L1CAM: variants seen among roughly 807,000 people sequenced by gnomAD.
L1CAM encodes the protein neural cell adhesion molecule L1.
A neutral mutation model predicts 93.0 loss-of-function variants in L1CAM; 8 were observed. The observed-to-expected ratio is 0.09, with a 90% CI of 0.05 to 0.16. The LOEUF is 0.16. L1CAM is among the 10% of genes least tolerant of loss of function. L1CAM has a pLI of 1.00. For missense variants in L1CAM, 777 were observed against 1,073.4 expected (o/e 0.72, Z 3.86); for synonymous variants, 453 against 453.0 (o/e 1.00, Z 0.00).
intron 19 of L1CAM, 83 bp downstream of exon 19, chrX:153,866,566 A>G: frequency 1.5e-6 from 1 of 685,255 alleles, no homozygotes; most frequent in Non-Finnish European, 2.3e-6. Context: ...AAAGGCGCAC[A>G]CCAATGCTGA....
chrX:153,871,260 T>TGGGGGGGGGGGGGGGGG, intron 5 of L1CAM, 81 bp from the exon 6 acceptor site: 1 of 232,157 alleles, frequency 4.3e-6, no homozygotes, highest in Non-Finnish European at 8.1e-6. Context: ...GGCAGGGGGG[T>TGGGGGGGGGGGGGGGGG]GGCGGGCTAC....
chrX:153,864,520 C>G (rs1557090082), intron 24 of L1CAM, 43 bp from the exon 25 acceptor site: 1 of 1,209,389 alleles, frequency 8.3e-7, no homozygotes, highest in East Asian at 3.0e-5. Flanking sequence ...GTCGGAGTGC[C>G]AGGCAACCCC....
At chrX:153,881,654 C>T (rs921243412) in intron 1 of L1CAM, among the ~76,000 whole-genome samples, 5 of 111,414 alleles carry the variant, frequency 4.5e-5, no homozygotes, top group Admixed American at 9.4e-5. Flanking sequence ...AGGCTGGTTT[C>T]TTGGTCCCCT....
intron 5 of L1CAM, among the ~76,000 whole-genome samples, chrX:153,871,471 G>A (rs975809664): frequency 5.4e-5 from 6 of 110,154 alleles, no homozygotes; most frequent in Non-Finnish European, 1.1e-4. Context: ...AAGGACGGGT[G>A]GGGGGAGGCT....
At position 153,872,267 on chromosome X, in the gene L1CAM, G is replaced by A; in HGVS notation, c.285C>T (p.Phe95=). ...AGTTGCTGTTGTTGCCCGTGATGGTGAAGGAGCCAGAGTGGGGCGACTGGT... is the reference window on the plus strand; with the variant it reads ...AGTTGCTGTTGTTGCCCGTGATGGTAAAGGAGCCAGAGTGGGGCGACTGGT... ...TVYQSPHSGS[F]TITGNNSNFA... is the part of the protein sequence containing the mutation. Residue 95 remains phenylalanine (F), a synonymous_variant, in exon 5 of 29, where the codon TTC becomes TTT. Coordinates refer to ENST00000370060, the MANE Select transcript of L1CAM (RefSeq NM_001278116.2). 8.3e-7 allele frequency: 1 copy of A among 1,208,327 alleles called. No individual in the cohort carries two copies.
At chrX:153,868,230 C>T (rs1331184177) in intron 14 of L1CAM, 72 bp downstream of exon 14, 4 of 1,203,035 alleles carry the variant, frequency 3.3e-6, no homozygotes, top group Non-Finnish European at 4.5e-6. Context: ...CCCATCAAAG[C>T]AAGGACGAGG....
rs2064788763 is a variant in L1CAM at position 153,873,272 on chromosome X, G to A, written c.77-30C>T. On this transcript the variant is annotated intron_variant, in intron 2 of 28. Coordinates refer to ENST00000370060, the MANE Select transcript of L1CAM (RefSeq NM_001278116.2). ...GAAATCCAGGCAGGCAGCAAGGGAG[G>A]GAATGGAGAGAAATACTGACAGGCA... is the stretch of plus-strand genomic sequence containing the variant. 3.3e-6 allele frequency: 4 copies of A among 1,202,378 alleles called. No individual in the cohort carries two copies. In the East Asian group the frequency reaches 8.9e-5, roughly 27 times the overall value.
rs781958279 is a variant in L1CAM, at chrX:153,875,377, A to G, written c.76+384T>C. Among the ~76,000 whole-genome samples the G allele has an allele frequency of 4.5e-5, 5 of 111,947 alleles. No homozygotes were observed. In the South Asian group the frequency reaches 1.5e-3, roughly 33 times the overall value. On this transcript the variant is annotated intron_variant, in intron 2 of 28. Transcript: ENST00000370060. ...CCAGCTGAGGGCTGGGGACGACCCC[A>G]TTCTCCTGCTGCCACACCCCTGTGG...
chrX:153,877,925 C>T (rs371399275), intron 1 of L1CAM, among the ~76,000 whole-genome samples: 124 of 112,215 alleles, frequency 1.1e-3, no homozygotes, highest in African/African-American at 3.9e-3. Context: ...CACCCCAAAC[C>T]CAAGCCACAC....
chrX:153,864,523 G>A (rs782289771), intron 24 of L1CAM, 46 bp from the exon 25 acceptor site: 3 of 1,206,464 alleles, frequency 2.5e-6, no homozygotes, highest in Middle Eastern at 2.3e-4. Context: ...GGAGTGCCAG[G>A]CAACCCCTCT....
chrX:153,879,549 C>T (rs1171334343), intron 1 of L1CAM, among the ~76,000 whole-genome samples: 1 of 112,053 alleles, frequency 8.9e-6, no homozygotes, highest in African/African-American at 3.2e-5. Context: ...GGCTTCCCGG[C>T]GTGGACGTCA....
chrX:153,885,950 G>A, intron 1 of L1CAM, 115 bp downstream of exon 1: 1 of 713,572 alleles, frequency 1.4e-6, no homozygotes, highest in Non-Finnish European at 1.6e-6. Context: ...GCCGGTTACC[G>A]CGGGCCGGAC....
chrX:153,866,969 C>T, intron 18 of L1CAM, 85 bp downstream of exon 18: 1 of 1,131,959 alleles, frequency 8.8e-7, no homozygotes, highest in Non-Finnish European at 1.2e-6. Flanking sequence ...ACATCAGCCC[C>T]TTCCTTTGCA....
rs143382184 is a variant in L1CAM at position 153,867,516 on chromosome X, A to G, written c.1977T>C (p.Pro659=). The G allele has an allele frequency of 1.6e-3, 1,897 of 1,209,776 alleles. 24 individuals carry two copies. In the African/African-American group the frequency reaches 0.028, roughly 18 times the overall value. The change falls in exon 17 of 29, where the codon CCT becomes CCC. Residue 659 remains proline, a synonymous_variant. Coordinates refer to ENST00000370060, the MANE Select transcript of L1CAM (RefSeq NM_001278116.2). ...CCTTGCCCAGACTGTACCATTTTTC[A>G]GGCGCCATTTCCTTGTCCTCAAATT... ...DIEFEDKEMA[P]EKWYSLGKVP...
At position 153,868,627 on chromosome X, in the gene L1CAM, G is replaced by A. The variant is rs782155168; in HGVS notation, c.1480C>T (p.Arg494Cys). 8 of 1,210,032 alleles carry A rather than the reference G, an allele frequency of 6.6e-6. No individual in the cohort carries two copies. Among genetic ancestry groups the A allele is most frequent in the African/African-American group, 5.2e-5 (3 of 57,238 alleles). The change falls in exon 13 of 29, where the codon CGC becomes TGC. Residue 494 changes from arginine (R) to cysteine (C), a missense_variant. Around this residue, in one of 5 missense-constraint regions of L1CAM, gnomAD observed 574 missense variants for 781.0 expected, o/e 0.73. Coordinates refer to ENST00000370060, the MANE Select transcript of L1CAM (RefSeq NM_001278116.2). ...TCATTGGCAGCCAGGCAGAAGTAGCGTCCGGTGTCATTGGCCTGGAGGTCT... is the reference window on the plus strand; with the variant it reads ...TCATTGGCAGCCAGGCAGAAGTAGCATCCGGTGTCATTGGCCTGGAGGTCT... The part of the protein sequence containing the change: ...IRDLQANDTG[R>C]YFCLAANDQN...
chrX:153,875,017 C>CCCGCGCCTGTCCCTGTCCATGGTCCTG, intron 2 of L1CAM, among the ~76,000 whole-genome samples: 2 of 112,266 alleles, frequency 1.8e-5, no homozygotes, highest in African/African-American at 6.5e-5. Context: ...AAGTCAAAAT[C>CCCGCGCCTGTCCCTGTCCATGGTCCTG]ACATTCACGA....
chrX:153,880,594 G>A (rs1477440026), intron 1 of L1CAM: 6 of 336,561 alleles, frequency 1.8e-5, no homozygotes, highest in Non-Finnish European at 3.0e-5. Flanking sequence ...GTGTGTATAC[G>A]ATGGTGTGGG....
intron 1 of L1CAM, chrX:153,883,908 A>T (rs1557096290): frequency 2.9e-6 from 1 of 340,000 alleles, no homozygotes; most frequent in African/African-American, 2.6e-5. Context: ...TAGGGCACAC[A>T]GGCCTGTCTC....
chrX:153,872,057 C>T, intron 5 of L1CAM, 95 bp downstream of exon 5: 1 of 769,593 alleles, frequency 1.3e-6, no homozygotes, highest in Non-Finnish European at 2.0e-6. Flanking sequence ...ACCCAGGCCC[C>T]TCGCCACGAG....
Sources: gnomAD v4.1 joint callset for allele counts (sites outside exome capture counted in the v4.1 genomes callset) on GRCh38, gnomAD v4.1.1 for gene constraint, gnomAD v4.1.1 regional missense constraint, MANE v1.5 for transcripts, NCBI Gene and HGNC (gene_info 2026-07-23, HGNC 2026-07-21) for gene names.